Variants in XPO4 observed in about 807,000 individuals in gnomAD.
XPO4 encodes the protein exportin 4.
A neutral mutation model predicts 143.0 loss-of-function variants in XPO4; 39 were observed. The observed-to-expected ratio is 0.27, with a 90% confidence interval of 0.21 to 0.36. The LOEUF is 0.36. XPO4 is among the 10% of genes least tolerant of loss of function. The pLI is 1.00. For synonymous variants in XPO4, 439 were observed against 474.0 expected (o/e 0.93, Z 0.96); for missense variants, 907 against 1,348.0 (o/e 0.67, Z 5.12).
rs937198792 is a variant in XPO4 at position 20,779,653 on chromosome 13, C to T, written c.*4069G>A. ...CCACGGCCGACTTCAGCATTCTCGT[C>T]TTTACTAAGACTTACCCATAGAGAA... is the stretch of plus-strand genomic sequence containing the variant. On this transcript the variant is annotated 3_prime_UTR_variant, in exon 23 of 23. Coordinates refer to ENST00000255305, the MANE Select transcript of XPO4 (RefSeq NM_022459.5). The T allele has an allele frequency of 6.6e-6, 1 of 152,572 alleles. No individual in the cohort carries two copies. The highest frequency in any genetic ancestry group is 1.5e-5 in the Non-Finnish European group (1 of 68,028). The allele number at this position is 152,572 out of a possible 1,614,324, so 9.5% of individuals were successfully genotyped here. A position where few individuals can be genotyped will look rare whatever the true frequency, so the allele number is the denominator to read the frequency against.
chr13:20,890,189 C>T (rs2060498749), intron 1 of XPO4, among the ~76,000 whole-genome samples: 1 of 152,156 alleles, frequency 6.6e-6, no homozygotes, highest in Non-Finnish European at 1.5e-5. Context: ...TGGCTTATGC[C>T]CGTCATCCCA....
In XPO4 at chr13:20,779,674, G is replaced by GC. The variant is rs1369029429; in HGVS notation, c.*4047_*4048insG. 1 of 152,588 alleles carries GC rather than the reference G, an allele frequency of 6.6e-6. No individual in the cohort carries two copies. Among genetic ancestry groups the GC allele is most frequent in the Non-Finnish European group, 1.5e-5 (1 of 68,028 alleles). 9.5% of individuals were successfully genotyped at this position (152,588 alleles called of 1,614,324 possible). A position where few individuals can be genotyped will look rare whatever the true frequency, so the allele number is the denominator to read the frequency against. On this transcript the variant is annotated 3_prime_UTR_variant, in exon 23 of 23. Transcript: ENST00000255305. ...TCGTCTTTACTAAGACTTACCCATA[G>GC]AGAACTACAGCAGGAAACCGATTTC...
chr13:20,794,201 T>A (rs1239167356), intron 18 of XPO4, among the ~76,000 whole-genome samples: 1 of 152,146 alleles, frequency 6.6e-6, no homozygotes, highest in Admixed American at 6.5e-5. Context: ...GAATCACTAT[T>A]TTAGGAAAAT....
chr13:20,861,359 G>GAT (rs2060196623), intron 3 of XPO4, among the ~76,000 whole-genome samples: 1 of 144,002 alleles, frequency 6.9e-6, no homozygotes, highest in Non-Finnish European at 1.5e-5. Context: ...GCAGTGGCTC[G>GAT]ATCTTGGCTC....
chr13:20,790,336 A>C, intron 19 of XPO4, 126 bp downstream of exon 19: 1 of 748,656 alleles, frequency 1.3e-6, no homozygotes, highest in Non-Finnish European at 2.3e-6. Flanking sequence ...AAATACAAAA[A>C]TTGTATCTTC....
At chr13:20,875,225 G>A (rs982684364) in intron 1 of XPO4, among the ~76,000 whole-genome samples, 1 of 152,040 alleles carries the variant, frequency 6.6e-6, no homozygotes, top group African/African-American at 2.4e-5. Context: ...CTTTTTGGAG[G>A]TTACCAGTGA....
At chr13:20,804,195 CTA>C (rs942488081) in intron 13 of XPO4, among the ~76,000 whole-genome samples, 9 of 149,720 alleles carry the variant, frequency 6.0e-5, no homozygotes, top group East Asian at 2.0e-4. Flanking sequence ...CTATATATAT[CTA>C]TATATATACA....
At chr13:20,808,366 T>C in intron 12 of XPO4, 70 bp downstream of exon 12, 6 of 1,415,184 alleles carry the variant, frequency 4.2e-6, no homozygotes, top group Non-Finnish European at 5.6e-6. Context: ...GTTTTTCATA[T>C]AGGAAGCTTC....
chr13:20,855,353 G>A (rs2060132591), intron 4 of XPO4, among the ~76,000 whole-genome samples: 1 of 151,890 alleles, frequency 6.6e-6, no homozygotes, highest in Non-Finnish European at 1.5e-5. Flanking sequence ...TACTTGGGAG[G>A]CTGAGGCAAG....
chr13:20,789,778 ATGCACATG>A (rs1253365421), intron 19 of XPO4, among the ~76,000 whole-genome samples: 1 of 151,994 alleles, frequency 6.6e-6, no homozygotes, highest in East Asian at 1.9e-4. Context: ...GCATGCATGC[ATGCACATG>A]TGCACATACA....
chr13:20,819,495 A>G (rs2059691560), intron 9 of XPO4, among the ~76,000 whole-genome samples: 2 of 152,098 alleles, frequency 1.3e-5, no homozygotes, highest in Non-Finnish European at 2.9e-5. Flanking sequence ...CCCCGTCTCT[A>G]CTAAAAATAC....
intron 4 of XPO4, chr13:20,849,236 T>C (rs1407537457): frequency 1.0e-6 from 1 of 985,348 alleles, no homozygotes; most frequent in Non-Finnish European, 1.2e-6. Context: ...GACTTCCAGC[T>C]GCTCTTCTAT....
intron 6 of XPO4, among the ~76,000 whole-genome samples, chr13:20,829,334 T>C (rs954755035): frequency 3.9e-5 from 6 of 152,348 alleles, no homozygotes; most frequent in African/African-American, 1.4e-4. Flanking sequence ...ATTTTCAATA[T>C]GCCAAATCTA....
chr13:20,823,203 C>A (rs2059741880), intron 7 of XPO4, among the ~76,000 whole-genome samples: 1 of 152,166 alleles, frequency 6.6e-6, no homozygotes, highest in Non-Finnish European at 1.5e-5. Flanking sequence ...ACACAAAGTT[C>A]TCTCTCTATT....
At chr13:20,838,831 A>C (rs1285930279) in intron 6 of XPO4, among the ~76,000 whole-genome samples, 2 of 152,164 alleles carry the variant, frequency 1.3e-5, no homozygotes, top group African/African-American at 4.8e-5. Flanking sequence ...AAAAGTGGAA[A>C]CAACCCAACT....
At chr13:20,810,071 G>T in intron 9 of XPO4, 104 bp from the exon 10 acceptor site, 2 of 937,978 alleles carry the variant, frequency 2.1e-6, no homozygotes, top group Non-Finnish European at 2.9e-6. Flanking sequence ...TCCTTTAACA[G>T]AGCTTCCCAA....
intron 9 of XPO4, among the ~76,000 whole-genome samples, chr13:20,812,102 G>A (rs1259637429): frequency 1.3e-5 from 2 of 152,186 alleles, no homozygotes; most frequent in Non-Finnish European, 2.9e-5. Context: ...CGGGCATGGT[G>A]GCTCATGCCT....
intron 3 of XPO4, among the ~76,000 whole-genome samples, chr13:20,859,234 C>T (rs1158469702): frequency 1.3e-5 from 2 of 150,814 alleles, no homozygotes; most frequent in African/African-American, 2.4e-5. Flanking sequence ...TTTGGGAGGC[C>T]GAGATGGGAA....
chr13:20,861,224 T>C (rs2060194574), intron 3 of XPO4, among the ~76,000 whole-genome samples: 1 of 151,676 alleles, frequency 6.6e-6, no homozygotes, highest in Non-Finnish European at 1.5e-5. Context: ...CTTAAAAGAA[T>C]ACATGGTCTT....
Sources: gnomAD v4.1 joint callset for allele counts (sites outside exome capture counted in the v4.1 genomes callset) on GRCh38, gnomAD v4.1.1 for gene constraint, MANE v1.5 for transcripts, NCBI Gene and HGNC (gene_info 2026-07-23, HGNC 2026-07-21) for gene names.